The following CPXM2 variants were observed in gnomAD, a reference collection of about 807,000 sequenced individuals.
The protein encoded by CPXM2 is inactive carboxypeptidase-like protein X2.
Under a neutral mutation model 86.1 loss-of-function variants are expected in CPXM2, and 66 were observed. The observed-to-expected ratio is 0.77, with a 90% CI of 0.63 to 0.94. The LOEUF (loss-of-function observed/expected upper bound fraction) is 0.94. Among genes scored for constraint, CPXM2 ranks in the 40% least tolerant of loss-of-function variants. The pLI is 0.00. For synonymous variants in CPXM2, 388 were observed against 400.2 expected, an observed-to-expected ratio of 0.97 and a Z score of 0.36; for missense variants, 948 against 1,026.3, an observed-to-expected ratio of 0.92 and a Z score of 1.04.
At chr10:123,767,471 T>C (rs1846505830) in intron 9 of CPXM2, among the ~76,000 whole-genome samples, 1 of 152,206 alleles carries the variant, frequency 6.6e-6, no homozygotes, top group Non-Finnish European at 1.5e-5. Flanking sequence ...GGTGAACCTC[T>C]GAGTAGCAAT....
At chr10:123,887,269 T>A (rs1182394343) in intron 1 of CPXM2, 1 of 152,132 alleles carries the variant, frequency 6.6e-6, no homozygotes, top group Non-Finnish European at 1.5e-5. Flanking sequence ...CTTAGGTCCT[T>A]AGAGTTCTAA....
upstream of CPXM2, chr10:123,940,401 C>T (rs547108057): frequency 1.5e-4 from 23 of 152,382 alleles, no homozygotes; most frequent in African/African-American, 5.3e-4. Flanking sequence ...GACTCTGTGT[C>T]CTTGTGATGA....
chr10:123,762,191 G>A (rs373128235), intron 10 of CPXM2, 22 bp from the exon 11 acceptor site: 37 of 1,614,018 alleles, frequency 2.3e-5, no homozygotes, highest in African/African-American at 9.3e-5. Context: ...CCAAATGGAC[G>A]AGTAAAATAA....
At chr10:123,843,583 G>A (rs1244879629) in intron 3 of CPXM2, among the ~76,000 whole-genome samples, 1 of 151,712 alleles carries the variant, frequency 6.6e-6, no homozygotes, top group Non-Finnish European at 1.5e-5. Flanking sequence ...AAAAAAAAAA[G>A]TCTGAATGAT....
intron 4 of CPXM2, among the ~76,000 whole-genome samples, chr10:123,834,291 G>C (rs1343762581): frequency 6.6e-6 from 1 of 152,272 alleles, no homozygotes; most frequent in Non-Finnish European, 1.5e-5. Context: ...AGAGGAGACA[G>C]TGTCAGGAGG....
upstream of CPXM2, among the ~76,000 whole-genome samples, chr10:123,941,487 G>A (rs1164035700): frequency 6.6e-6 from 1 of 152,162 alleles, no homozygotes; most frequent in African/African-American, 2.4e-5. Flanking sequence ...CACCACTCCT[G>A]TATGACTTTG....
intron 2 of CPXM2, among the ~76,000 whole-genome samples, chr10:123,937,488 C>T (rs1392191000): frequency 4.3e-5 from 5 of 115,462 alleles, no homozygotes; most frequent in African/African-American, 1.3e-4. Flanking sequence ...CACACACACA[C>T]ACACACACAC....
intron 2 of CPXM2, among the ~76,000 whole-genome samples, chr10:123,931,085 A>AG (rs58980054): frequency 0.016 from 2,469 of 152,290 alleles, 62 homozygotes; most frequent in African/African-American, 0.055. Context: ...TCCTTAGTCA[A>AG]GGGGGGTCTA....
chr10:123,761,851 C>A (rs372149847), intron 11 of CPXM2, 21 bp downstream of exon 11: 219 of 1,608,872 alleles, frequency 1.4e-4, no homozygotes, highest in Non-Finnish European at 1.4e-4. Flanking sequence ...GCAGCCCACT[C>A]TCCCCCAGAG....
At chr10:123,934,736 C>T (rs1366744094) in intron 2 of CPXM2, among the ~76,000 whole-genome samples, 1 of 152,244 alleles carries the variant, frequency 6.6e-6, no homozygotes, top group African/African-American at 2.4e-5. Context: ...CATCCACATC[C>T]GCCCCACCCA....
chr10:123,872,115 A>G (rs28658074), intron 2 of CPXM2, among the ~76,000 whole-genome samples: 38,703 of 152,124 alleles, frequency 0.25, 5,067 homozygotes, highest in Middle Eastern at 0.37. Flanking sequence ...GTGTTAACTG[A>G]TACAATCAAT....
chr10:123,842,346 C>T lies in CPXM2; in HGVS notation c.653+3G>A. 1 of 1,614,232 alleles carries T rather than the reference C, an allele frequency of 6.2e-7. No individual in the cohort carries two copies. The highest frequency in any genetic ancestry group is 1.3e-5 in the African/African-American group (1 of 75,070). On this transcript the variant is annotated splice_donor_region_variant and intron_variant, in intron 4 of 13. Transcript: ENST00000241305. ...CAGAAAGCATATGTCCAGGTACACT[C>T]ACAGCCAGAGGGAGTTCCTCCCTTG...
intron 2 of CPXM2, among the ~76,000 whole-genome samples, chr10:123,871,701 C>T (rs896074049): frequency 5.3e-5 from 8 of 152,150 alleles, no homozygotes; most frequent in Non-Finnish European, 8.8e-5. Flanking sequence ...CTGACCTCAA[C>T]AGAAAATATT....
intron 4 of CPXM2, among the ~76,000 whole-genome samples, chr10:123,800,688 G>A (rs1227132415): frequency 6.6e-6 from 1 of 151,890 alleles, no homozygotes; most frequent in East Asian, 1.9e-4. Context: ...GACAATAAGA[G>A]GGGAGTAAAG....
Position 123,912,308 on chromosome 10 carries a change from CGGGGG to C in CPXM2, n.174+27164_174+27168del, listed in dbSNP as rs147794681. Among the ~76,000 whole-genome samples the C allele has an allele frequency of 2.9e-3, 114 of 39,528 alleles. 8 individuals carry two copies. Among genetic ancestry groups the C allele is most frequent in the Non-Finnish European group, 4.6e-3 (94 of 20,278 alleles). The allele number at this position is 39,528 out of a possible 152,430, so 25.9% of individuals were successfully genotyped here. A position where few individuals can be genotyped will look rare whatever the true frequency, so the allele number is the denominator to read the frequency against. On this transcript the variant is annotated intron_variant and non_coding_transcript_variant, in intron 2 of 19. Transcript: ENST00000368854. ...TGTGTGTGAGTGTGCAGATGGTGGG[CGGGGG>C]GGGGGGGGCAGGCATTCCTGCCCTG...
At chr10:123,943,143 A>G (rs1457832946), upstream of CPXM2, among the ~76,000 whole-genome samples, 1 of 97,348 alleles carries the variant, frequency 1.0e-5, no homozygotes, top group Non-Finnish European at 2.3e-5. Context: ...CATATCCCAT[A>G]GTTAAGCAAC....
intron 6 of CPXM2, among the ~76,000 whole-genome samples, chr10:123,785,924 C>T (rs1914527): frequency 0.21 from 32,536 of 152,024 alleles, 4,683 homozygotes; most frequent in African/African-American, 0.42. Context: ...TAAGCCACCG[C>T]GCCCAGCCCA....
chr10:123,766,305 G>C (rs73364721), intron 10 of CPXM2, among the ~76,000 whole-genome samples: 1,956 of 152,286 alleles, frequency 0.013, 40 homozygotes, highest in African/African-American at 0.044. Context: ...TGTGAAGAAA[G>C]AAAGAAACTT....
At chr10:123,762,227 C>A in intron 10 of CPXM2, 58 bp from the exon 11 acceptor site, 1 of 1,610,342 alleles carries the variant, frequency 6.2e-7, no homozygotes, top group Non-Finnish European at 8.5e-7. Flanking sequence ...ATCTCCCCAG[C>A]TGTCAAACAG....
Sources: gnomAD v4.1 joint callset for allele counts (sites outside exome capture counted in the v4.1 genomes callset) on GRCh38, gnomAD v4.1.1 for gene constraint, MANE v1.5 for transcripts, NCBI Gene and HGNC (gene_info 2026-07-23, HGNC 2026-07-21) for gene names.